Variants in THSD7B observed in about 807,000 individuals in gnomAD.
THSD7B encodes thrombospondin type 1 domain containing 7B, also known as thrombospondin type-1 domain-containing protein 7B.
Under a neutral mutation model 213.6 loss-of-function variants are expected in THSD7B, and 138 were observed. The observed-to-expected ratio is 0.65, with a 90% CI of 0.56 to 0.74. The LOEUF is 0.74. THSD7B is among the 30% of genes least tolerant of loss of function. THSD7B has a pLI of 0.00. For synonymous variants in THSD7B, 742 were observed against 687.0 expected (o/e 1.08, Z -1.25); for missense variants, 1,931 against 1,991.5 (o/e 0.97, Z 0.58).
chr2:137,622,350 A>C (rs1230415954), intron 20 of THSD7B, among the ~76,000 whole-genome samples: 1 of 152,082 alleles, frequency 6.6e-6, no homozygotes, highest in Non-Finnish European at 1.5e-5. Flanking sequence ...TGAGCCTGCA[A>C]AAACAAAACA....
chr2:137,314,861 C>T (rs563878905), intron 12 of THSD7B, among the ~76,000 whole-genome samples: 11 of 152,214 alleles, frequency 7.2e-5, no homozygotes, highest in African/African-American at 1.7e-4. Context: ...GCAGTCTGCC[C>T]GTTCTCAGAT....
At chr2:136,777,930 C>A (rs1362329657) in intron 1 of THSD7B, among the ~76,000 whole-genome samples, 1 of 152,134 alleles carries the variant, frequency 6.6e-6, no homozygotes, top group Non-Finnish European at 1.5e-5. Flanking sequence ...TCCTAGAGGA[C>A]TTTGAAGCCA....
At chr2:137,077,471 A>G (rs1214312151) in intron 3 of THSD7B, among the ~76,000 whole-genome samples, 5 of 152,190 alleles carry the variant, frequency 3.3e-5, no homozygotes, top group South Asian at 4.1e-4. Context: ...ATTTCTCCAC[A>G]TCCTCTCCAG....
At chr2:137,666,255 A>G (rs1287134914) in intron 26 of THSD7B, among the ~76,000 whole-genome samples, 1 of 152,058 alleles carries the variant, frequency 6.6e-6, no homozygotes, top group Non-Finnish European at 1.5e-5. Flanking sequence ...TATAAGCTAT[A>G]AGGAGCATTC....
At chr2:136,917,644 C>T (rs762775587) in intron 2 of THSD7B, among the ~76,000 whole-genome samples, 4 of 152,106 alleles carry the variant, frequency 2.6e-5, no homozygotes, top group Non-Finnish European at 4.4e-5. Context: ...TCAGTCTGTT[C>T]CCACAGATGA....
chr2:137,131,048 C>A (rs1257166546), intron 5 of THSD7B, among the ~76,000 whole-genome samples: 2 of 144,160 alleles, frequency 1.4e-5, no homozygotes, highest in Non-Finnish European at 3.1e-5. Context: ...CTGTTGTTTC[C>A]TGACTTTTTA....
At chr2:137,660,664 T>C (rs1351306965) in intron 25 of THSD7B, among the ~76,000 whole-genome samples, 1 of 152,216 alleles carries the variant, frequency 6.6e-6, no homozygotes, top group Non-Finnish European at 1.5e-5. Flanking sequence ...TTCCTTGAAC[T>C]CTTGAACATA....
At chr2:136,829,422 T>G (rs568210010) in intron 1 of THSD7B, among the ~76,000 whole-genome samples, 1 of 152,126 alleles carries the variant, frequency 6.6e-6, no homozygotes, top group East Asian at 1.9e-4. Flanking sequence ...TGTGGGAGCT[T>G]TCTGGAACCT....
chr2:137,559,969 A>T (rs1271203380), intron 15 of THSD7B, among the ~76,000 whole-genome samples: 1 of 152,348 alleles, frequency 6.6e-6, no homozygotes, highest in African/African-American at 2.4e-5. Flanking sequence ...AATGCTCATC[A>T]TCACTGGCCA....
chr2:136,774,222 A>G (rs1379636632), intron 1 of THSD7B, among the ~76,000 whole-genome samples: 1 of 152,068 alleles, frequency 6.6e-6, no homozygotes. Flanking sequence ...ATTTTAAGTA[A>G]CCAGTGTTTC....
chr2:137,064,739 C>G (rs1687344381), intron 3 of THSD7B, among the ~76,000 whole-genome samples: 1 of 151,944 alleles, frequency 6.6e-6, no homozygotes. Flanking sequence ...TCCAGTTTTC[C>G]TAGCACAATT....
chr2:137,573,981 ATGAG>A lies in THSD7B; in HGVS notation c.3423+1431_3423+1434del, dbSNP rs1176928976. On this transcript the variant is annotated intron_variant, in intron 17 of 27. Transcript: ENST00000409968. Reference sequence around the variant, plus strand: ...TTTTAGTTATCTGTGTGATTATTCCATGAGTGAGTATTATGTTTATATTTTAGAA... The same window carrying A: ...TTTTAGTTATCTGTGTGATTATTCCATGAGTATTATGTTTATATTTTAGAA... Among the ~76,000 whole-genome samples, 38 of 152,228 alleles carry A rather than the reference ATGAG, an allele frequency of 2.5e-4. 1 individual carries two copies. Among genetic ancestry groups the A allele is most frequent in the African/African-American group, 8.9e-4 (37 of 41,574 alleles).
intron 15 of THSD7B, among the ~76,000 whole-genome samples, chr2:137,553,538 C>T (rs149665693): frequency 1.6e-3 from 251 of 152,124 alleles, no homozygotes; most frequent in African/African-American, 5.7e-3. Flanking sequence ...CCGGAACTGG[C>T]AAAATTATAA....
intron 2 of THSD7B, among the ~76,000 whole-genome samples, chr2:137,047,894 G>T (rs979407396): frequency 6.6e-6 from 1 of 152,144 alleles, no homozygotes; most frequent in South Asian, 2.1e-4. Context: ...AAGGAAGAAG[G>T]TCTCTACAGT....
chr2:137,110,761 T>C (rs1688333280), intron 4 of THSD7B, among the ~76,000 whole-genome samples: 1 of 152,242 alleles, frequency 6.6e-6, no homozygotes, highest in African/African-American at 2.4e-5. Flanking sequence ...AGCCATGCAC[T>C]CCATAACATT....
chr2:137,111,617 C>T (rs192621251), intron 4 of THSD7B, among the ~76,000 whole-genome samples: 4 of 152,220 alleles, frequency 2.6e-5, no homozygotes, highest in East Asian at 3.9e-4. Context: ...TTCATTAGTG[C>T]GGTGCCTGGT....
At chr2:137,495,231 T>C (rs909620571) in intron 15 of THSD7B, among the ~76,000 whole-genome samples, 1 of 152,170 alleles carries the variant, frequency 6.6e-6, no homozygotes, top group African/African-American at 2.4e-5. Flanking sequence ...AATTAAATAA[T>C]ACCCAGGAAA....
At chr2:136,778,831 A>C (rs995505216) in intron 1 of THSD7B, among the ~76,000 whole-genome samples, 7 of 152,252 alleles carry the variant, frequency 4.6e-5, no homozygotes, top group Admixed American at 3.9e-4. Context: ...TATAAGCACT[A>C]GGAACAGACA....
At chr2:137,414,146 A>G (rs1258085440) in intron 14 of THSD7B, among the ~76,000 whole-genome samples, 1 of 152,254 alleles carries the variant, frequency 6.6e-6, no homozygotes, top group Non-Finnish European at 1.5e-5. Flanking sequence ...TTGCAATGCC[A>G]TAGCAAAAGC....
Sources: gnomAD v4.1 joint callset for allele counts (sites outside exome capture counted in the v4.1 genomes callset) on GRCh38, gnomAD v4.1.1 for gene constraint, MANE v1.5 for transcripts, NCBI Gene and HGNC (gene_info 2026-07-23, HGNC 2026-07-21) for gene names.